Variants in ZNF430 observed in about 807,000 individuals in gnomAD.
The protein encoded by ZNF430 is zinc finger protein 430.
In ZNF430, 35 loss-of-function variants were observed where a neutral mutation model predicts 56.7. The ratio of observed to expected loss-of-function variants is 0.62; its 90% CI spans 0.47 to 0.82. ZNF430 has a LOEUF of 0.82. ZNF430 is among the 40% of genes least tolerant of loss of function. The pLI is 0.00. For synonymous variants in ZNF430, 212 were observed against 224.3 expected, an observed-to-expected ratio of 0.94 and a Z score of 0.49; for missense variants, 574 against 661.0, an observed-to-expected ratio of 0.87 and a Z score of 1.44.
chr19:21,037,693 C>G (rs1026307490), intron 4 of ZNF430, among the ~76,000 whole-genome samples: 3 of 152,040 alleles, frequency 2.0e-5, no homozygotes, highest in Admixed American at 2.0e-4. Flanking sequence ...TGTTTTCTAC[C>G]AACAATTGAC....
At chr19:21,051,587 G>A (rs1031362475) in intron 4 of ZNF430, among the ~76,000 whole-genome samples, 4 of 152,216 alleles carry the variant, frequency 2.6e-5, no homozygotes, top group East Asian at 3.9e-4. Context: ...TCCACCTCCC[G>A]GGTTCAAGTG....
chr19:21,058,091 A>G lies in ZNF430; in HGVS notation c.*70A>G, dbSNP rs1968414311. 3 of 1,382,946 alleles carry G rather than the reference A, an allele frequency of 2.2e-6. No individual in the cohort carries two copies. The highest frequency in any genetic ancestry group is 2.7e-5 in the South Asian group (2 of 74,012). 85.7% of individuals were successfully genotyped at this position (1,382,946 alleles called of 1,614,324 possible). The stretch of plus-strand genomic sequence containing the variant: ...ATAAGAACATTCATACTGAAGAGGA[A>G]CCCTATGAGTGTGAAGAATATGGCA... On this transcript the variant is annotated 3_prime_UTR_variant, in exon 5 of 5. Transcript: ENST00000261560.
chr19:21,025,013 G>C (rs1310024044), intron 2 of ZNF430, among the ~76,000 whole-genome samples: 1 of 152,108 alleles, frequency 6.6e-6, no homozygotes, highest in Non-Finnish European at 1.5e-5. Context: ...AAGAAAATGT[G>C]CAGAGTTCTT....
At position 21,020,748 on chromosome 19, in the gene ZNF430, C is replaced by T; in HGVS notation, c.-53C>T. ...CCAGGCTCTGTGGCCCTGTGACCCGCAGGTATTGGGAGATCTACAGCTAAG... is the reference window on the plus strand; with the variant it reads ...CCAGGCTCTGTGGCCCTGTGACCCGTAGGTATTGGGAGATCTACAGCTAAG... On this transcript the variant is annotated 5_prime_UTR_variant, in exon 1 of 5. Transcript: ENST00000261560. 6.2e-7 allele frequency: 1 copy of T among 1,611,334 alleles called. No individual in the cohort carries two copies.
At chr19:21,024,321 G>A (rs1353124577) in intron 2 of ZNF430, among the ~76,000 whole-genome samples, 5 of 152,294 alleles carry the variant, frequency 3.3e-5, no homozygotes, top group African/African-American at 1.2e-4. Context: ...ATGTTTGAAG[G>A]CAGTTTCTAG....
chr19:21,052,692 A>T (rs1264562478), intron 4 of ZNF430, among the ~76,000 whole-genome samples: 1 of 152,138 alleles, frequency 6.6e-6, no homozygotes, highest in African/African-American at 2.4e-5. Flanking sequence ...TAATATTTGC[A>T]TGGAATGTCT....
At position 21,057,522 on chromosome 19, in the gene ZNF430, A is replaced by G; in HGVS notation, c.1214A>G (p.Glu405Gly). ...HTGEKFYKCE[E>G]CGKGFNWSST... is the part of the protein sequence containing the mutation. The stretch of plus-strand genomic sequence containing the variant: ...GGAGAGAAATTCTACAAATGTGAAG[A>G]ATGTGGCAAAGGCTTTAATTGGTCC... Residue 405 changes from glutamate to glycine, a missense_variant, in exon 5 of 5, where the codon GAA becomes GGA. By Grantham distance (98) the Glu-to-Gly change is moderately conservative (BLOSUM62 -2). Around this residue, in one of 3 missense-constraint regions of ZNF430, gnomAD observed 213 missense variants for 221.0 expected, o/e 0.96. Coordinates refer to ENST00000261560, the MANE Select transcript of ZNF430 (RefSeq NM_025189.4). 6.2e-7 allele frequency: 1 copy of G among 1,613,618 alleles called. No individual in the cohort carries two copies. The highest frequency in any genetic ancestry group is 8.5e-7 in the Non-Finnish European group (1 of 1,179,938).
In ZNF430 at chr19:21,047,968, C is replaced by T. The variant is rs1456958629; in HGVS notation, c.323-8663C>T. On this transcript the variant is annotated intron_variant, in intron 4 of 4. Coordinates refer to ENST00000261560, the MANE Select transcript of ZNF430 (RefSeq NM_025189.4). ...ACTAAGTCTGCTGATCTGCAGAAAC[C>T]ACCTCATTGTTCCTGTTTTATGTAT... Among the ~76,000 whole-genome samples, 3 of 152,102 alleles carry T rather than the reference C, an allele frequency of 2.0e-5. No homozygotes were observed. In the East Asian group the frequency reaches 5.8e-4, roughly 29 times the overall value.
rs148846640 is a variant in ZNF430, at chr19:21,030,155, G to A, written c.97-3301G>A. Among the ~76,000 whole-genome samples, 17 of 152,264 alleles carry A rather than the reference G, an allele frequency of 1.1e-4. No homozygotes were observed. In the East Asian group the frequency reaches 3.3e-3, roughly 29 times the overall value. ...ATTTAGCACCTTGTTTTCTGTTTCT[G>A]CCAATCTAGCAGTTGCTCCACAAGC... On this transcript the variant is annotated intron_variant, in intron 2 of 4. Coordinates refer to ENST00000261560, the MANE Select transcript of ZNF430 (RefSeq NM_025189.4).
At chr19:21,039,673 C>T (rs768880085) in intron 4 of ZNF430, among the ~76,000 whole-genome samples, 3 of 151,890 alleles carry the variant, frequency 2.0e-5, no homozygotes, top group Non-Finnish European at 4.4e-5. Context: ...ACTATGTTGG[C>T]CAGGTTGGTC....
rs1974280336 is a variant in ZNF430 at position 21,020,705 on chromosome 19, TCC to T, written c.-95_-94del. 8.4e-6 allele frequency: 13 copies of T among 1,551,106 alleles called. No homozygotes were observed. The highest frequency in any genetic ancestry group is 1.2e-5 in the Non-Finnish European group (13 of 1,125,596). ...CAGGTCTCGTCTTCAGCGCTCTGTGTCCTCTGCTCCTAGAGGTCCAGGCTCTG... is the reference window on the plus strand; with the variant it reads ...CAGGTCTCGTCTTCAGCGCTCTGTGTTCTGCTCCTAGAGGTCCAGGCTCTG... On this transcript the variant is annotated 5_prime_UTR_variant, in exon 1 of 5. Coordinates refer to ENST00000261560, the MANE Select transcript of ZNF430 (RefSeq NM_025189.4).
At chr19:21,040,703 T>C (rs1252280566) in intron 4 of ZNF430, among the ~76,000 whole-genome samples, 1 of 152,242 alleles carries the variant, frequency 6.6e-6, no homozygotes, top group African/African-American at 2.4e-5. Context: ...TTACTGATCT[T>C]TTATCTAAAT....
chr19:21,039,802 G>A (rs934301144), intron 4 of ZNF430, among the ~76,000 whole-genome samples: 1 of 151,808 alleles, frequency 6.6e-6, no homozygotes, highest in Non-Finnish European at 1.5e-5. Context: ...ATTCAGTTTT[G>A]GTCAGAAAAC....
At position 21,034,102 on chromosome 19, in the gene ZNF430, T is replaced by C. The variant is rs1568586080; in HGVS notation, c.240T>C (p.Ser80=). ...TCAATAAAGCAGGTATTGCTGTTTC[T>C]AAGCCAGACCTGATCACCTGTCTAG... ...NLVFLAGIAV[S]KPDLITCLEQ... is the part of the protein sequence containing the mutation. The change falls in exon 4 of 5, where the codon TCT becomes TCC. Residue 80 remains serine, a synonymous_variant. Transcript: ENST00000261560. 1 of 1,613,260 alleles carries C rather than the reference T, an allele frequency of 6.2e-7. No individual in the cohort carries two copies. Among genetic ancestry groups the C allele is most frequent in the East Asian group, 2.2e-5 (1 of 44,866 alleles).
chr19:21,021,677 A>G (rs1338193197), intron 1 of ZNF430, among the ~76,000 whole-genome samples: 1 of 152,016 alleles, frequency 6.6e-6, no homozygotes, highest in Non-Finnish European at 1.5e-5. Context: ...TTGGTTAGGT[A>G]CCGTTATGTA....
At chr19:21,030,869 G>GT (rs67008161) in intron 2 of ZNF430, among the ~76,000 whole-genome samples, 2 of 151,528 alleles carry the variant, frequency 1.3e-5, no homozygotes, top group East Asian at 2.0e-4. Flanking sequence ...GCCCCGTCTT[G>GT]TTTTTTTTGT....
At chr19:21,031,981 A>C (rs1271530605) in intron 2 of ZNF430, among the ~76,000 whole-genome samples, 2 of 152,212 alleles carry the variant, frequency 1.3e-5, no homozygotes, top group Non-Finnish European at 2.9e-5. Context: ...CTTATATGCC[A>C]CGCAGAATTC....
At chr19:21,022,333 A>C (rs186206477) in intron 1 of ZNF430, among the ~76,000 whole-genome samples, 2 of 152,188 alleles carry the variant, frequency 1.3e-5, no homozygotes, top group African/African-American at 2.4e-5. Flanking sequence ...TAAGATACTA[A>C]ATTTCCAGTT....
Position 21,057,032 on chromosome 19 carries a change from T to C in ZNF430, c.724T>C (p.Phe242Leu). ...SYQCEECGKV[F>L]NWFSTLTRHR... The stretch of plus-strand genomic sequence containing the variant: ...CCAATGTGAAGAATGTGGTAAAGTC[T>C]TTAACTGGTTCTCAACCCTTACTAG... The change falls in exon 5 of 5, where the codon TTT (phenylalanine) becomes CTT (leucine). Residue 242 changes from phenylalanine (F) to leucine (L), a missense_variant. This residue lies in a region of ZNF430 where 346 missense variants were observed against 399.1 expected (regional missense o/e 0.87). Transcript: ENST00000261560. The C allele has an allele frequency of 6.2e-7, 1 of 1,614,112 alleles. No individual in the cohort carries two copies. The highest frequency in any genetic ancestry group is 8.5e-7 in the Non-Finnish European group (1 of 1,180,004).
Sources: allele counts gnomAD v4.1 joint callset (sites outside exome capture counted in the v4.1 genomes callset), GRCh38; gene constraint gnomAD v4.1.1; regional missense constraint gnomAD v4.1.1; transcripts MANE v1.5; gene names NCBI Gene and HGNC (gene_info 2026-07-23, HGNC 2026-07-21).